Variants in SGPP1 observed in about 807,000 individuals in gnomAD.
SGPP1 encodes hSPP1.
Under a neutral mutation model 33.0 loss-of-function variants are expected in SGPP1, and 21 were observed. The observed-to-expected ratio is 0.64, with a 90% CI of 0.45 to 0.92. The LOEUF (loss-of-function observed/expected upper bound fraction) is 0.92. Among genes scored for constraint, SGPP1 ranks in the 40% least tolerant of loss-of-function variants. SGPP1 has a pLI of 0.00. For synonymous variants in SGPP1, 239 were observed against 241.2 expected, an observed-to-expected ratio of 0.99 and a Z score of 0.08; for missense variants, 543 against 589.4, an observed-to-expected ratio of 0.92 and a Z score of 0.81.
chr14:63,725,046 A>G (rs1194940579), intron 1 of SGPP1, among the ~76,000 whole-genome samples: 1 of 151,728 alleles, frequency 6.6e-6, no homozygotes, highest in Admixed American at 6.6e-5. Flanking sequence ...CTGGATTATT[A>G]GTCAAACATT....
At chr14:63,692,820 G>T (rs1195841374) in intron 2 of SGPP1, among the ~76,000 whole-genome samples, 2 of 152,102 alleles carry the variant, frequency 1.3e-5, no homozygotes, top group Non-Finnish European at 1.5e-5. Flanking sequence ...AATTACCAAA[G>T]AATTCTGATC....
chr14:63,711,171 G>A (rs370542843), intron 1 of SGPP1, among the ~76,000 whole-genome samples: 6 of 151,670 alleles, frequency 4.0e-5, no homozygotes, highest in Non-Finnish European at 7.4e-5. Flanking sequence ...CCACCACCAC[G>A]CCCAGCTAAT....
At chr14:63,723,095 A>G (rs925712287) in intron 1 of SGPP1, among the ~76,000 whole-genome samples, 1 of 152,208 alleles carries the variant, frequency 6.6e-6, no homozygotes, top group Non-Finnish European at 1.5e-5. Flanking sequence ...TTTAAAAATT[A>G]AGAAATTTTA....
At position 63,685,351 on chromosome 14, in the gene SGPP1, G is replaced by T. The variant is rs1015476806; in HGVS notation, c.*754C>A. 1 of 152,158 alleles carries T rather than the reference G, an allele frequency of 6.6e-6. No individual in the cohort carries two copies. Among genetic ancestry groups the T allele is most frequent in the Non-Finnish European group, 1.5e-5 (1 of 67,870 alleles). The allele number at this position is 152,158 out of a possible 1,614,324, so 9.4% of individuals were successfully genotyped here. ...ACATAGCATTTCTTAATTTAGCAAC[G>T]GAAAGGCACAATTAGCAAGCAATAA... On this transcript the variant is annotated 3_prime_UTR_variant, in exon 3 of 3. Transcript: ENST00000247225.
chr14:63,714,994 A>AT (rs558298205), intron 1 of SGPP1, among the ~76,000 whole-genome samples: 97 of 147,772 alleles, frequency 6.6e-4, no homozygotes, highest in Middle Eastern at 3.6e-3. Context: ...AAGTGCTGGG[A>AT]TTACAGGCAT....
At chr14:63,721,132 C>G (rs1885762245) in intron 1 of SGPP1, among the ~76,000 whole-genome samples, 1 of 152,240 alleles carries the variant, frequency 6.6e-6, no homozygotes, top group South Asian at 2.1e-4. Context: ...ATCCGTTCGT[C>G]TCGGCCTTCA....
At chr14:63,716,385 T>G (rs563837103) in intron 1 of SGPP1, among the ~76,000 whole-genome samples, 1 of 151,928 alleles carries the variant, frequency 6.6e-6, no homozygotes, top group South Asian at 2.1e-4. Flanking sequence ...TCCCAGGTAC[T>G]TGGGAGGCTG....
chr14:63,717,317 C>CT (rs111825145), intron 1 of SGPP1, among the ~76,000 whole-genome samples: 302 of 139,036 alleles, frequency 2.2e-3, no homozygotes, highest in African/African-American at 3.9e-3. Flanking sequence ...TGGAATTTCT[C>CT]TTTTTTTTTT....
intron 2 of SGPP1, among the ~76,000 whole-genome samples, chr14:63,693,130 G>A (rs1254583415): frequency 6.6e-6 from 1 of 152,032 alleles, no homozygotes. Context: ...ACAGGGTTTT[G>A]CCATGTTGCC....
intron 1 of SGPP1, among the ~76,000 whole-genome samples, chr14:63,706,055 A>C (rs1313391910): frequency 1.3e-5 from 2 of 152,254 alleles, no homozygotes; most frequent in Non-Finnish European, 2.9e-5. Flanking sequence ...TGAATGGGTA[A>C]ATTATTTGTG....
chr14:63,686,296 T>C lies in SGPP1; in HGVS notation c.1135A>G (p.Ile379Val), dbSNP rs1365376556. The C allele has an allele frequency of 1.1e-5, 17 of 1,614,038 alleles. No homozygotes were observed. The highest frequency in any genetic ancestry group is 2.7e-5 in the African/African-American group (2 of 74,934). The change falls in exon 3 of 3, where the codon ATC becomes GTC. Residue 379 changes from isoleucine to valine, a missense_variant. Physicochemically the swap from Ile to Val is conservative, Grantham distance 29 (BLOSUM62 3). Coordinates refer to ENST00000247225, the MANE Select transcript of SGPP1 (RefSeq NM_030791.4). ...ILIGMVFVLI[I>V]RDVMKKITIP... ...GTGATCTTTTTCATTACATCTCTGATTATTAGTACAAATACCATCCCTATG... is the reference window on the plus strand; with the variant it reads ...GTGATCTTTTTCATTACATCTCTGACTATTAGTACAAATACCATCCCTATG...
At chr14:63,710,434 T>C (rs1885500466) in intron 1 of SGPP1, among the ~76,000 whole-genome samples, 2 of 152,216 alleles carry the variant, frequency 1.3e-5, no homozygotes, top group Admixed American at 6.5e-5. Flanking sequence ...ATTTACTTCA[T>C]GCATTATATT....
rs1363382142 is a variant in SGPP1 at position 63,684,310 on chromosome 14, T to C, written c.*1795A>G. 1.3e-5 allele frequency: 2 copies of C among 152,098 alleles called. No individual in the cohort carries two copies. The highest frequency in any genetic ancestry group is 4.8e-5 in the African/African-American group (2 of 41,448). 9.4% of individuals were successfully genotyped at this position (152,098 alleles called of 1,614,324 possible). A position where few individuals can be genotyped will look rare whatever the true frequency, so the allele number is the denominator to read the frequency against. ...AAAACACAAATGGAACATTTTCAAA[T>C]ACCTTTTAAGCTAGACATAAAAATC... On this transcript the variant is annotated 3_prime_UTR_variant, in exon 3 of 3. Transcript: ENST00000247225.
intron 1 of SGPP1, among the ~76,000 whole-genome samples, chr14:63,710,917 A>T (rs948812169): frequency 6.6e-6 from 1 of 152,188 alleles, no homozygotes; most frequent in African/African-American, 2.4e-5. Flanking sequence ...TCATCTATAA[A>T]TGGGGATACT....
At chr14:63,721,769 C>A (rs1468947251) in intron 1 of SGPP1, among the ~76,000 whole-genome samples, 1 of 152,088 alleles carries the variant, frequency 6.6e-6, no homozygotes, top group Non-Finnish European at 1.5e-5. Context: ...TTCCAAAGCT[C>A]TTACTATGTT....
intron 1 of SGPP1, among the ~76,000 whole-genome samples, chr14:63,701,918 CAAA>C (rs549492142): frequency 1.1e-4 from 6 of 54,100 alleles, no homozygotes; most frequent in South Asian, 5.4e-4. Flanking sequence ...CTGTTGACAG[CAAA>C]AAAAAAAAAA....
At chr14:63,700,365 C>G (rs762759648) in intron 1 of SGPP1, among the ~76,000 whole-genome samples, 24 of 152,200 alleles carry the variant, frequency 1.6e-4, no homozygotes, top group Non-Finnish European at 3.4e-4. Context: ...ATATCACCCA[C>G]ACTTGTTCCT....
chr14:63,706,058 T>C (rs947796653), intron 1 of SGPP1, among the ~76,000 whole-genome samples: 3 of 152,242 alleles, frequency 2.0e-5, no homozygotes, highest in African/African-American at 4.8e-5. Flanking sequence ...ATGGGTAAAT[T>C]ATTTGTGGTA....
chr14:63,704,564 T>C (rs1250105372), intron 1 of SGPP1, among the ~76,000 whole-genome samples: 4 of 151,642 alleles, frequency 2.6e-5, no homozygotes, highest in Middle Eastern at 3.2e-3. Flanking sequence ...GAAGAAATCA[T>C]AGGGGCCGGG....
Sources: gnomAD v4.1 joint callset for allele counts (sites outside exome capture counted in the v4.1 genomes callset) on GRCh38, gnomAD v4.1.1 for gene constraint, MANE v1.5 for transcripts, NCBI Gene and HGNC (gene_info 2026-07-23, HGNC 2026-07-21) for gene names.